Variants in GPHN observed in about 807,000 individuals in gnomAD.
GPHN encodes gephyrin.
A neutral mutation model predicts 95.5 loss-of-function variants in GPHN; 17 were observed. The ratio of observed to expected loss-of-function variants is 0.18; its 90% CI spans 0.12 to 0.27. GPHN has a LOEUF of 0.27. Among genes scored for constraint, GPHN ranks in the 10% least tolerant of loss-of-function variants. GPHN has a pLI of 1.00. For missense variants in GPHN, 660 were observed against 978.1 expected, an observed-to-expected ratio of 0.67 and a Z score of 4.34; for synonymous variants, 320 against 322.5, an observed-to-expected ratio of 0.99 and a Z score of 0.08.
the GPHN span, chr14:67,279,029 G>T: frequency 1.3e-6 from 1 of 743,824 alleles, no homozygotes; most frequent in Non-Finnish European, 2.0e-6. Flanking sequence ...TTTCCTTCAT[G>T]GATACTTTTT....
At chr14:66,949,311 G>A (rs1156775870) in intron 8 of GPHN, among the ~76,000 whole-genome samples, 2 of 152,006 alleles carry the variant, frequency 1.3e-5, no homozygotes, top group African/African-American at 2.4e-5. Context: ...TCTCGAACTG[G>A]CTGGTCTCAA....
intron 1 of GPHN, among the ~76,000 whole-genome samples, chr14:66,565,587 A>G (rs981002590): frequency 1.3e-5 from 2 of 152,152 alleles, no homozygotes. Context: ...GGTGTGAGCC[A>G]CCGTGCCTGG....
At position 66,528,417 on chromosome 14, in the gene GPHN, A is replaced by G. The variant is rs112731238; in HGVS notation, c.64+19826A>G. On this transcript the variant is annotated intron_variant, in intron 1 of 22. Coordinates refer to ENST00000478722, the MANE Select transcript of GPHN (RefSeq NM_020806.5). ...CCAATGGGTCTTGACTCTTTATCCA[A>G]TGTGGCAGTCTGTGTCTTTTAATTG... Among the ~76,000 whole-genome samples, 18 of 152,160 alleles carry G rather than the reference A, an allele frequency of 1.2e-4. 2 individuals carry two copies. Among genetic ancestry groups the G allele is most frequent in the African/African-American group, 3.1e-4 (13 of 41,506 alleles).
At chr14:66,707,052 GAA>G (rs61279772) in intron 2 of GPHN, among the ~76,000 whole-genome samples, 22 of 111,492 alleles carry the variant, frequency 2.0e-4, no homozygotes, top group African/African-American at 4.9e-4. Flanking sequence ...ACAAACATTT[GAA>G]AAAAAAAAAA....
At chr14:66,625,945 T>G (rs998345614) in intron 1 of GPHN, among the ~76,000 whole-genome samples, 4 of 152,202 alleles carry the variant, frequency 2.6e-5, no homozygotes, top group Non-Finnish European at 5.9e-5. Context: ...ATTAGGTAGG[T>G]ATCCAGAGGT....
intron 5 of GPHN, among the ~76,000 whole-genome samples, chr14:66,913,550 C>T (rs1164212146): frequency 6.6e-6 from 1 of 152,074 alleles, no homozygotes; most frequent in African/African-American, 2.4e-5. Context: ...ACTATATTGG[C>T]CAGGCTGGTC....
the GPHN span, among the ~76,000 whole-genome samples, chr14:67,291,379 C>T: frequency 2.0e-5 from 3 of 152,044 alleles, no homozygotes; most frequent in Non-Finnish European, 4.4e-5. Context: ...AGGCGCCTGC[C>T]ACTGTGCAGG....
the GPHN span, chr14:67,445,953 T>C: frequency 1.5e-4 from 70 of 461,988 alleles, no homozygotes; most frequent in African/African-American, 1.2e-3. Context: ...GTCAAGTCCT[T>C]TGTCTTTGGA....
intron 1 of GPHN, among the ~76,000 whole-genome samples, chr14:66,556,926 G>A (rs1182215131): frequency 6.6e-6 from 1 of 152,164 alleles, no homozygotes. Context: ...TAGGCTGAGT[G>A]CAGTTGCTCA....
chr14:67,070,715 A>AAAATATATATATATATATATATAT, intron 11 of GPHN, among the ~76,000 whole-genome samples: 1 of 80,704 alleles, frequency 1.2e-5, no homozygotes, highest in South Asian at 4.3e-4. Flanking sequence ...AAAAAAAAAA[A>AAAATATATATATATATATATATAT]ATATATATAT....
chr14:67,572,130 G>A, the GPHN span: 1 of 1,603,896 alleles, frequency 6.2e-7, no homozygotes, highest in African/African-American at 1.3e-5. Context: ...TCCTCCCTCG[G>A]CAAGGCGTCT....
chr14:67,650,656 A>C, the GPHN span: 1 of 1,467,936 alleles, frequency 6.8e-7, no homozygotes, highest in Non-Finnish European at 9.5e-7. Context: ...CAGTGGGATG[A>C]CCCTCACTGA....
At chr14:67,000,810 A>G (rs968767639) in intron 9 of GPHN, among the ~76,000 whole-genome samples, 1 of 151,684 alleles carries the variant, frequency 6.6e-6, no homozygotes, top group Non-Finnish European at 1.5e-5. Context: ...AAAACACATT[A>G]CATTCTGTTT....
At chr14:67,542,064 A>C in the GPHN span, 3 of 1,388,774 alleles carry the variant, frequency 2.2e-6, no homozygotes, top group East Asian at 7.8e-5. Context: ...CGTGTGAGAG[A>C]GGGAGAGTTG....
intron 11 of GPHN, among the ~76,000 whole-genome samples, chr14:67,066,544 C>T (rs1407852173): frequency 6.6e-6 from 1 of 152,150 alleles, no homozygotes; most frequent in African/African-American, 2.4e-5. Flanking sequence ...GTTCCATTCT[C>T]CCTATCACTT....
the GPHN span, among the ~76,000 whole-genome samples, chr14:67,344,353 T>C: frequency 6.6e-6 from 1 of 152,156 alleles, no homozygotes; most frequent in Non-Finnish European, 1.5e-5. Flanking sequence ...AATAAACCTT[T>C]ATCAAATCAT....
the GPHN span, among the ~76,000 whole-genome samples, chr14:67,669,356 A>C: frequency 4.6e-5 from 7 of 151,764 alleles, no homozygotes; most frequent in African/African-American, 7.3e-5. Context: ...TAAAACTTCA[A>C]ACTGCTAGAC....
At chr14:67,398,944 C>T in the GPHN span, among the ~76,000 whole-genome samples, 11 of 152,242 alleles carry the variant, frequency 7.2e-5, no homozygotes, top group African/African-American at 2.7e-4. Context: ...TATGTGGATA[C>T]ATAGTTTACT....
At chr14:67,376,613 C>T in the GPHN span, 1 of 1,605,488 alleles carries the variant, frequency 6.2e-7, no homozygotes, top group Non-Finnish European at 8.5e-7. Flanking sequence ...TCTTGACTCT[C>T]CTTCTACCTT....
Sources: allele counts gnomAD v4.1 joint callset (sites outside exome capture counted in the v4.1 genomes callset), GRCh38; gene constraint gnomAD v4.1.1; transcripts MANE v1.5; gene names NCBI Gene and HGNC (gene_info 2026-07-23, HGNC 2026-07-21).